Variants in CDC42BPA observed in about 807,000 individuals in gnomAD.
CDC42BPA encodes the protein CDC42 binding protein kinase alpha.
A neutral mutation model predicts 223.5 loss-of-function variants in CDC42BPA; 80 were observed. That is an observed-to-expected ratio of 0.36 (90% confidence interval 0.30 to 0.43). CDC42BPA has a LOEUF of 0.43. Ranked by LOEUF, CDC42BPA falls within the 20% of genes least tolerant of loss-of-function variation. The pLI is 1.00. For synonymous variants in CDC42BPA, 694 were observed against 718.6 expected, an observed-to-expected ratio of 0.97 and a Z score of 0.55; for missense variants, 1,743 against 2,099.9, an observed-to-expected ratio of 0.83 and a Z score of 3.32.
chr1:227,254,050 T>A lies in CDC42BPA; in HGVS notation c.270+14A>T. 2 of 1,444,806 alleles carry A rather than the reference T, an allele frequency of 1.4e-6. No homozygotes were observed. The highest frequency in any genetic ancestry group is 1.9e-6 in the Non-Finnish European group (2 of 1,032,440). The allele number at this position is 1,444,806 out of a possible 1,614,324, so 89.5% of individuals were successfully genotyped here. A position where few individuals can be genotyped will look rare whatever the true frequency, so the allele number is the denominator to read the frequency against. Reference sequence around the variant, plus strand: ...AATAATTAGCAGACCTTCTATCAAATCTTAATCTCTTACCTCCCCAAAAGC... The same window carrying A: ...AATAATTAGCAGACCTTCTATCAAAACTTAATCTCTTACCTCCCCAAAAGC... On this transcript the variant is annotated intron_variant, in intron 2 of 36. Transcript: ENST00000366766.
At position 227,132,560 on chromosome 1, in the gene CDC42BPA, G is replaced by A. The variant is rs563111149; in HGVS notation, c.1391-3329C>T. On this transcript the variant is annotated intron_variant, in intron 10 of 36. Transcript: ENST00000366766. ...CCTCTGCCTGGCTGCCACCCCGTCT[G>A]GGAAGTGAGGAGCGTCTCTGCCTGG... Among the ~76,000 whole-genome samples the A allele has an allele frequency of 8.0e-4, 116 of 145,064 alleles. 4 individuals carry two copies. Among genetic ancestry groups the A allele is most frequent in the Admixed American group, 3.4e-3 (50 of 14,652 alleles).
In CDC42BPA at chr1:227,294,615, C is replaced by CT. The variant is rs1351194228; in HGVS notation, c.178+22389dup. Among the ~76,000 whole-genome samples the CT allele has an allele frequency of 4.1e-5, 3 of 72,982 alleles. 1 individual carries two copies. Among genetic ancestry groups the CT allele is most frequent in the African/African-American group, 1.7e-4 (3 of 17,956 alleles). 47.9% of individuals were successfully genotyped at this position (72,982 alleles called of 152,430 possible). A position where few individuals can be genotyped will look rare whatever the true frequency, so the allele number is the denominator to read the frequency against. On this transcript the variant is annotated intron_variant, in intron 1 of 36. Coordinates refer to ENST00000366766, the MANE Select transcript of CDC42BPA (RefSeq NM_001394014.1). Reference sequence around the variant, plus strand: ...GTGGCTCACGCCTGTAATCCCAGCACTTTGGGAGGCCGAGGCGGGCGGATC... The same window carrying CT: ...GTGGCTCACGCCTGTAATCCCAGCACTTTTGGGAGGCCGAGGCGGGCGGATC...
intron 21 of CDC42BPA, among the ~76,000 whole-genome samples, chr1:227,064,160 T>C (rs1356255519): frequency 1.3e-5 from 2 of 152,186 alleles, no homozygotes; most frequent in East Asian, 3.8e-4. Context: ...AGCTTAATCC[T>C]TGATTTACTC....
chr1:227,101,194 GATGTTCT>G lies in CDC42BPA; in HGVS notation c.2040_2046del (p.Glu681SerfsTer4). ...GTCTTTAGTTTGGTTATCTCTTGCT[GATGTTCT>G]ATGCTGCATACTCCTGGTGAGTAAC... is the stretch of plus-strand genomic sequence containing the variant. On this transcript the variant is annotated frameshift_variant, in exon 15 of 37. Coordinates refer to ENST00000366766, the MANE Select transcript of CDC42BPA (RefSeq NM_001394014.1). LOFTEE classifies it high-confidence loss of function. 6.2e-7 allele frequency: 1 copy of G among 1,603,718 alleles called. No homozygotes were observed. Among genetic ancestry groups the G allele is most frequent in the East Asian group, 2.2e-5 (1 of 44,684 alleles).
At chr1:227,196,916 T>G (rs1200141011) in intron 4 of CDC42BPA, among the ~76,000 whole-genome samples, 2 of 152,176 alleles carry the variant, frequency 1.3e-5, no homozygotes, top group Admixed American at 6.5e-5. Context: ...GTGATAAAAA[T>G]TTTATGTGTC....
chr1:227,147,626 G>T (rs1660922900), intron 6 of CDC42BPA, 67 bp from the exon 7 acceptor site: 1 of 834,272 alleles, frequency 1.2e-6, no homozygotes, highest in South Asian at 2.3e-5. Context: ...AGTTACTTAA[G>T]ATACACAATA....
chr1:227,256,691 A>G (rs1467293355), intron 1 of CDC42BPA, among the ~76,000 whole-genome samples: 3 of 152,128 alleles, frequency 2.0e-5, no homozygotes, highest in African/African-American at 7.2e-5. Flanking sequence ...ACCCTCATTC[A>G]TTGCTAGAGG....
intron 8 of CDC42BPA, among the ~76,000 whole-genome samples, chr1:227,143,422 T>G (rs1281133728): frequency 6.6e-6 from 1 of 152,154 alleles, no homozygotes; most frequent in Non-Finnish European, 1.5e-5. Flanking sequence ...CCAGCTGAGG[T>G]TGAACAGGAG....
chr1:227,067,272 T>C (rs1183196489), intron 21 of CDC42BPA, among the ~76,000 whole-genome samples: 1 of 152,058 alleles, frequency 6.6e-6, no homozygotes, highest in African/African-American at 2.4e-5. Flanking sequence ...GCTGAGGACC[T>C]GGCTGGGGTG....
intron 5 of CDC42BPA, among the ~76,000 whole-genome samples, chr1:227,183,894 G>C (rs952850590): frequency 1.2e-4 from 18 of 152,262 alleles, no homozygotes; most frequent in Admixed American, 2.0e-4. Flanking sequence ...TGTTCAAACA[G>C]GTGGGTAATA....
At chr1:227,159,436 A>C (rs1028708630) in intron 6 of CDC42BPA, among the ~76,000 whole-genome samples, 1 of 152,142 alleles carries the variant, frequency 6.6e-6, no homozygotes, top group African/African-American at 2.4e-5. Context: ...CAGTGAGCTA[A>C]GATGGCGCCT....
chr1:227,032,227 G>T (rs532857122), intron 27 of CDC42BPA, among the ~76,000 whole-genome samples: 98 of 152,268 alleles, frequency 6.4e-4, no homozygotes, highest in African/African-American at 2.2e-3. Flanking sequence ...CATAAGTAAA[G>T]AATTCCTTAT....
intron 1 of CDC42BPA, among the ~76,000 whole-genome samples, chr1:227,258,601 C>T (rs1159527928): frequency 6.6e-6 from 1 of 150,638 alleles, no homozygotes; most frequent in Non-Finnish European, 1.5e-5. Context: ...TTAAAAGATG[C>T]CTTAACAAGT....
In CDC42BPA at chr1:227,029,105, G is replaced by A. The variant is rs1404545918; in HGVS notation, c.3984C>T (p.Tyr1328=). ...SALDGRETDF[Y]KLSETKGCQT... ...GACACCCTTTAGTTTCTGACAGCTT[G>A]TAAAAATCGGTCTCTCGCCCATCCA... Residue 1328 remains tyrosine, a synonymous_variant, in exon 30 of 37, where the codon TAC becomes TAT. Transcript: ENST00000366766. 6.2e-7 allele frequency: 1 copy of A among 1,613,124 alleles called. No individual in the cohort carries two copies. The highest frequency in any genetic ancestry group is 1.7e-5 in the Admixed American group (1 of 60,016).
At chr1:227,129,299 A>AT (rs1558562580) in intron 10 of CDC42BPA, 68 bp from the exon 11 acceptor site, 3 of 1,132,444 alleles carry the variant, frequency 2.6e-6, no homozygotes, top group Non-Finnish European at 2.5e-6. Flanking sequence ...TAATAACATT[A>AT]TTTTTTTGGA....
At chr1:227,279,587 G>A (rs1456563980) in intron 1 of CDC42BPA, among the ~76,000 whole-genome samples, 2 of 151,876 alleles carry the variant, frequency 1.3e-5, no homozygotes, top group Non-Finnish European at 2.9e-5. Flanking sequence ...TTAATTCTTT[G>A]TAATTCCAAA....
intron 9 of CDC42BPA, among the ~76,000 whole-genome samples, chr1:227,140,225 A>T (rs976815075): frequency 6.6e-6 from 1 of 152,168 alleles, no homozygotes; most frequent in African/African-American, 2.4e-5. Context: ...AAACAGACAA[A>T]AATCCTTGCC....
intron 2 of CDC42BPA, among the ~76,000 whole-genome samples, chr1:227,229,662 G>A (rs929759112): frequency 6.6e-6 from 1 of 152,060 alleles, no homozygotes; most frequent in Non-Finnish European, 1.5e-5. Flanking sequence ...CGTTTGCCTA[G>A]GTCTTCTTTT....
intron 1 of CDC42BPA, among the ~76,000 whole-genome samples, chr1:227,302,499 T>G (rs545922314): frequency 1.3e-5 from 2 of 152,206 alleles, no homozygotes; most frequent in Admixed American, 6.5e-5. Flanking sequence ...TTTCTGATTC[T>G]TATCCTTTGT....
Sources: allele counts gnomAD v4.1 joint callset (sites outside exome capture counted in the v4.1 genomes callset), GRCh38; gene constraint gnomAD v4.1.1; transcripts MANE v1.5; gene names NCBI Gene and HGNC (gene_info 2026-07-23, HGNC 2026-07-21).